Variants in METTL16 observed in about 807,000 individuals in gnomAD.
METTL16 encodes methyltransferase 16, RNA N6-adenosine.
Under a neutral mutation model 57.9 loss-of-function variants are expected in METTL16, and 19 were observed. The ratio of observed to expected loss-of-function variants is 0.33; its 90% CI spans 0.23 to 0.48. The LOEUF (loss-of-function observed/expected upper bound fraction) is 0.48, where lower values mean the gene tolerates loss of function less well. Among genes scored for constraint, METTL16 ranks in the 20% least tolerant of loss-of-function variants. METTL16 has a pLI of 0.99. For synonymous variants in METTL16, 246 were observed against 255.6 expected, an observed-to-expected ratio of 0.96 and a Z score of 0.36; for missense variants, 434 against 691.5, an observed-to-expected ratio of 0.63 and a Z score of 4.18.
rs765733285 is a variant in METTL16 at position 2,502,323 on chromosome 17, CAG to C, written c.7_8del (p.Leu3GlufsTer2). 6.2e-7 allele frequency: 1 copy of C among 1,613,278 alleles called. No homozygotes were observed. Among genetic ancestry groups the C allele is most frequent in the Non-Finnish European group, 8.5e-7 (1 of 1,179,818 alleles). On this transcript the variant is annotated frameshift_variant, in exon 2 of 10. Coordinates refer to ENST00000263092, the MANE Select transcript of METTL16 (RefSeq NM_024086.4). LOFTEE classifies it high-confidence loss of function. MA[L>X]SKSMHARNRY... is the part of the protein sequence containing the mutation. ...TATTTCTTGCATGCATTGATTTACT[CAG>C]AGCCATCTTAAGGAGAGAAAGAGAG...
chr17:2,440,970 CAAAAAAAAAAAAAAAA>C (rs760521188), intron 7 of METTL16, among the ~76,000 whole-genome samples: 1 of 34,042 alleles, frequency 2.9e-5, no homozygotes, highest in Non-Finnish European at 7.7e-5. Flanking sequence ...GACTTGATCT[CAAAAAAAAAAAAAAAA>C]AAAAAAAAAA....
intron 4 of METTL16, among the ~76,000 whole-genome samples, chr17:2,468,129 A>G (rs983886575): frequency 3.3e-5 from 5 of 152,246 alleles, no homozygotes; most frequent in Admixed American, 3.3e-4. Flanking sequence ...GCCACAGGCT[A>G]TTACACATAG....
intron 7 of METTL16, among the ~76,000 whole-genome samples, chr17:2,439,170 C>T (rs58164250): frequency 0.088 from 13,313 of 152,026 alleles, 1,812 homozygotes; most frequent in African/African-American, 0.29. Context: ...AGTGCAGTGG[C>T]GTGATCTTAG....
intron 6 of METTL16, among the ~76,000 whole-genome samples, chr17:2,456,676 C>T (rs1323623457): frequency 2.0e-5 from 3 of 152,136 alleles, no homozygotes; most frequent in African/African-American, 7.2e-5. Flanking sequence ...GCTATGTTGC[C>T]CAGGCTGGTC....
intron 2 of METTL16, among the ~76,000 whole-genome samples, chr17:2,497,362 G>A (rs1259334588): frequency 8.4e-6 from 1 of 118,684 alleles, no homozygotes; most frequent in Non-Finnish European, 1.7e-5. Flanking sequence ...GCCCAGGCTG[G>A]AGTGTAGTGG....
chr17:2,475,582 T>C (rs2067264008), intron 3 of METTL16, among the ~76,000 whole-genome samples: 1 of 152,258 alleles, frequency 6.6e-6, no homozygotes, highest in African/African-American at 2.4e-5. Flanking sequence ...AAAAAAAGTT[T>C]CTTAATTCTT....
Position 2,420,672 on chromosome 17 carries a change from A to G in METTL16, c.1062+59T>C. On this transcript the variant is annotated intron_variant, in intron 9 of 9. Coordinates refer to ENST00000263092, the MANE Select transcript of METTL16 (RefSeq NM_024086.4). This position sits in a 1 kb window ranked among gnomAD's most constrained non-coding sequence, Gnocchi z 5.4. ...CCAAACTCTCAATAAAAAAAAAAAGAAAAAAGAAAAAAGAGAAGGATCATT... is the reference window on the plus strand; with the variant it reads ...CCAAACTCTCAATAAAAAAAAAAAGGAAAAAGAAAAAAGAGAAGGATCATT... 1 of 1,557,672 alleles carries G rather than the reference A, an allele frequency of 6.4e-7. No individual in the cohort carries two copies. The highest frequency in any genetic ancestry group is 8.6e-7 in the Non-Finnish European group (1 of 1,158,754).
chr17:2,472,009 G>A (rs563274605), intron 4 of METTL16, among the ~76,000 whole-genome samples: 1 of 151,940 alleles, frequency 6.6e-6, no homozygotes, highest in Admixed American at 6.6e-5. Flanking sequence ...AGCTACTTAG[G>A]AGGCTGAAGC....
At chr17:2,465,255 C>T (rs2067183154) in intron 5 of METTL16, among the ~76,000 whole-genome samples, 1 of 151,866 alleles carries the variant, frequency 6.6e-6, no homozygotes, top group African/African-American at 2.4e-5. Flanking sequence ...ATCAAAAAGA[C>T]AGATCAGGCC....
chr17:2,422,908 A>G (rs2066778299), intron 8 of METTL16, among the ~76,000 whole-genome samples: 1 of 151,982 alleles, frequency 6.6e-6, no homozygotes, highest in South Asian at 2.1e-4. Context: ...ACTTGAACCC[A>G]GGAGGTGCAG....
In METTL16 at chr17:2,454,569, T is replaced by A. The variant is rs569882549; in HGVS notation, c.728+9639A>T. Among the ~76,000 whole-genome samples the A allele has an allele frequency of 8.9e-3, 1,288 of 145,294 alleles. 10 individuals are homozygous for A. Among genetic ancestry groups the A allele is most frequent in the African/African-American group, 0.024 (902 of 38,352 alleles). On this transcript the variant is annotated intron_variant, in intron 6 of 9. Transcript: ENST00000263092. ...AGACTATATTATTATTATTATTTTTTTTTTTTTTTTTTTGAGACGGAGTCT... is the reference window on the plus strand; with the variant it reads ...AGACTATATTATTATTATTATTTTTATTTTTTTTTTTTTGAGACGGAGTCT...
At chr17:2,497,691 TATGTTGTAAA>T (rs1482144112) in intron 2 of METTL16, among the ~76,000 whole-genome samples, 1 of 151,574 alleles carries the variant, frequency 6.6e-6, no homozygotes, top group Non-Finnish European at 1.5e-5. Flanking sequence ...TACCTTTAGA[TATGTTGTAAA>T]AACACATCTG....
intron 5 of METTL16, 113 bp downstream of exon 5, chr17:2,467,648 A>G (rs141860124): frequency 0.11 from 80,630 of 720,666 alleles, 5,289 homozygotes; most frequent in African/African-American, 0.25. Context: ...GGCTGGTCTC[A>G]AACTCCTGAC....
chr17:2,487,849 A>AT (rs2067355058), intron 2 of METTL16, among the ~76,000 whole-genome samples: 3 of 151,764 alleles, frequency 2.0e-5, no homozygotes, highest in South Asian at 4.2e-4. Context: ...ACAAAAAAAA[A>AT]TTTTAAATTA....
In METTL16 at chr17:2,464,300, T is replaced by C; in HGVS notation, c.636A>G (p.Thr212=). ...PRRPPPSSVN[T]GGITEIMAEG... is the part of the protein sequence containing the mutation. The stretch of plus-strand genomic sequence containing the variant: ...CTGCCATGATCTCTGTGATGCCTCC[T>C]GTATTAACAGAACTAGGCGGAGGTC... The change falls in exon 6 of 10, where the codon ACA becomes ACG. Residue 212 remains threonine (T), a synonymous_variant. Transcript: ENST00000263092. The C allele has an allele frequency of 6.2e-7, 1 of 1,613,902 alleles. No individual in the cohort carries two copies. Among genetic ancestry groups the C allele is most frequent in the Non-Finnish European group, 8.5e-7 (1 of 1,179,906 alleles).
chr17:2,440,994 A>AAAAAAAG (rs1555616313), intron 7 of METTL16, among the ~76,000 whole-genome samples: 19 of 118,858 alleles, frequency 1.6e-4, no homozygotes, highest in African/African-American at 4.2e-4. Flanking sequence ...AAAAAAAAAA[A>AAAAAAAG]AAGAAGAAGA....
chr17:2,487,165 C>T (rs1172448218), intron 2 of METTL16, among the ~76,000 whole-genome samples: 5 of 152,152 alleles, frequency 3.3e-5, no homozygotes, highest in Non-Finnish European at 5.9e-5. Flanking sequence ...ACATGAGTCT[C>T]CCAAGGTTCT....
intron 5 of METTL16, 147 bp from the exon 6 acceptor site, chr17:2,464,497 C>T (rs1297071990): frequency 4.4e-6 from 3 of 686,830 alleles, no homozygotes; most frequent in Non-Finnish European, 4.4e-6. Flanking sequence ...ATCATAGCCA[C>T]TAAAATATTT....
intron 1 of METTL16, among the ~76,000 whole-genome samples, chr17:2,503,258 T>C (rs765875007): frequency 2.6e-5 from 4 of 152,136 alleles, no homozygotes; most frequent in Non-Finnish European, 5.9e-5. Context: ...ACACTAAATA[T>C]GGATCAACAA....
Sources: gnomAD v4.1 joint callset for allele counts (sites outside exome capture counted in the v4.1 genomes callset) on GRCh38, gnomAD v4.1.1 for gene constraint, Gnocchi (gnomAD v3.1) non-coding constraint, MANE v1.5 for transcripts, NCBI Gene and HGNC (gene_info 2026-07-23, HGNC 2026-07-21) for gene names.